Variants in CUX1 observed in about 807,000 individuals in gnomAD.
The protein encoded by CUX1 is cut like homeobox 1.
Under a neutral mutation model 158.8 loss-of-function variants are expected in CUX1, and 31 were observed. The observed-to-expected ratio is 0.20, with a 90% confidence interval of 0.15 to 0.26. The LOEUF (loss-of-function observed/expected upper bound fraction) is 0.26. CUX1 is among the 10% of genes least tolerant of loss of function. The pLI is 1.00. For synonymous variants in CUX1, 879 were observed against 862.1 expected (o/e 1.02, Z -0.34); for missense variants, 1,589 against 2,014.6 (o/e 0.79, Z 4.04).
chr7:101,947,536 C>G (rs1808540542), intron 2 of CUX1, among the ~76,000 whole-genome samples: 1 of 152,168 alleles, frequency 6.6e-6, no homozygotes, highest in Non-Finnish European at 1.5e-5. Context: ...ACGGGGCATG[C>G]CAACGTATTA....
chr7:102,243,662 T>TAATAATAATA (rs1328770503), intron 23 of CUX1, among the ~76,000 whole-genome samples: 7 of 146,502 alleles, frequency 4.8e-5, no homozygotes, highest in African/African-American at 1.7e-4. Flanking sequence ...ATAATAATAA[T>TAATAATAATA]AATAATAATA....
At chr7:102,264,902 G>A (rs1288032473) in intron 14 of CUX1, 1 of 152,368 alleles carries the variant, frequency 6.6e-6, no homozygotes, top group Non-Finnish European at 1.5e-5. Flanking sequence ...TAGACACAAT[G>A]ACCTGGCCAA....
rs781879428 is a variant in CUX1 at position 102,201,416 on chromosome 7, C to T, written c.2119C>T (p.Arg707Cys). Reference protein sequence around the residue: ...SGSGNSDDAIRSILQQARREM... With the variant: ...SGSGNSDDAICSILQQARREM... ...CAGCGGGAACTCTGATGACGCCATCCGCTCCATCCTGCAGCAAGCCCGCCG... is the reference window on the plus strand; with the variant it reads ...CAGCGGGAACTCTGATGACGCCATCTGCTCCATCCTGCAGCAAGCCCGCCG... The change falls in exon 18 of 24, where the codon CGC becomes TGC. Residue 707 changes from arginine to cysteine, a missense_variant. Physicochemically the swap from Arg to Cys is radical, Grantham distance 180 (BLOSUM62 -3). Around this residue, in one of 8 missense-constraint regions of CUX1, gnomAD observed 337 missense variants for 409.3 expected, o/e 0.82. Transcript: ENST00000292535. The surrounding 1 kb of genome is among the most constrained non-coding windows in gnomAD (Gnocchi z 5.0). The T allele has an allele frequency of 3.9e-5, 63 of 1,613,936 alleles. No individual in the cohort carries two copies. Among genetic ancestry groups the T allele is most frequent in the Non-Finnish European group, 4.6e-5 (54 of 1,180,030 alleles).
At chr7:102,225,904 G>T (rs1399188297) in intron 20 of CUX1, among the ~76,000 whole-genome samples, 2 of 152,250 alleles carry the variant, frequency 1.3e-5, no homozygotes, top group African/African-American at 4.8e-5. Flanking sequence ...GTCTTACTCT[G>T]TGTCACCCTC....
At chr7:101,835,584 T>A (rs1408689870) in intron 1 of CUX1, among the ~76,000 whole-genome samples, 2 of 152,138 alleles carry the variant, frequency 1.3e-5, no homozygotes, top group African/African-American at 2.4e-5. Flanking sequence ...ATTTTTTTAT[T>A]TTTGTGGGTG....
chr7:102,145,010 C>T (rs576858579), intron 8 of CUX1, among the ~76,000 whole-genome samples: 2 of 147,410 alleles, frequency 1.4e-5, no homozygotes, highest in African/African-American at 5.0e-5. Flanking sequence ...ATCACCTGAA[C>T]GGAGAGGCGG....
At position 102,201,019 on chromosome 7, in the gene CUX1, T is replaced by C. The variant is rs1197719419; in HGVS notation, c.2063-341T>C. On this transcript the variant is annotated intron_variant, in intron 17 of 23. Transcript: ENST00000292535. This position sits in a 1 kb window ranked among gnomAD's most constrained non-coding sequence, Gnocchi z 5.0. ...TCCAGCCTGGACAACAGCGAGATCC[T>C]GTCGCTAAAAAAAAAAAAAAAAAAA... Among the ~76,000 whole-genome samples, 5 of 100,262 alleles carry C rather than the reference T, an allele frequency of 5.0e-5. No individual in the cohort carries two copies. Among genetic ancestry groups the C allele is most frequent in the Non-Finnish European group, 9.3e-5 (5 of 53,950 alleles). 65.8% of individuals were successfully genotyped at this position (100,262 alleles called of 152,430 possible).
At chr7:101,922,827 G>A (rs1182329542) in intron 2 of CUX1, among the ~76,000 whole-genome samples, 1 of 152,232 alleles carries the variant, frequency 6.6e-6, no homozygotes, top group Non-Finnish European at 1.5e-5. Context: ...CCACGGGCTG[G>A]CAGCAGGGGC....
intron 3 of CUX1, among the ~76,000 whole-genome samples, chr7:102,069,200 G>T (rs1825869470): frequency 6.6e-6 from 1 of 152,244 alleles, no homozygotes. Flanking sequence ...GCCCCCTCCT[G>T]TGCTCTTTCC....
At chr7:102,078,866 G>A (rs1827061420) in intron 4 of CUX1, among the ~76,000 whole-genome samples, 2 of 152,172 alleles carry the variant, frequency 1.3e-5, no homozygotes, top group Admixed American at 1.3e-4. Flanking sequence ...CCCTGGGAGA[G>A]GTTTCATTTT....
At chr7:102,203,592 G>A (rs984285026) in intron 18 of CUX1, among the ~76,000 whole-genome samples, 1 of 152,230 alleles carries the variant, frequency 6.6e-6, no homozygotes, top group African/African-American at 2.4e-5. Flanking sequence ...TCGTGCTCAT[G>A]CCTTAAATTT....
intron 2 of CUX1, among the ~76,000 whole-genome samples, chr7:101,943,722 C>T (rs921169943): frequency 7.3e-5 from 11 of 151,662 alleles, no homozygotes; most frequent in Non-Finnish European, 1.3e-4. Flanking sequence ...TGATGAGTCT[C>T]GTTGGCACCT....
chr7:102,110,799 CG>C (rs1221515693), intron 6 of CUX1, among the ~76,000 whole-genome samples: 4 of 152,062 alleles, frequency 2.6e-5, no homozygotes, highest in Non-Finnish European at 5.9e-5. Context: ...CATATGATGT[CG>C]TATTTCTGTA....
intron 2 of CUX1, among the ~76,000 whole-genome samples, chr7:101,925,620 C>A (rs1220002482): frequency 6.6e-6 from 1 of 151,970 alleles, no homozygotes; most frequent in Non-Finnish European, 1.5e-5. Flanking sequence ...AATTATACAT[C>A]AATAAAGCTG....
intron 11 of CUX1, among the ~76,000 whole-genome samples, chr7:102,180,235 C>G (rs1792880342): frequency 6.6e-6 from 1 of 151,368 alleles, no homozygotes; most frequent in Non-Finnish European, 1.5e-5. Context: ...GTTGGCCAGT[C>G]TAGTCTCAAA....
chr7:102,096,383 C>T (rs201452), intron 4 of CUX1, among the ~76,000 whole-genome samples: 92,023 of 152,036 alleles, frequency 0.61, 29,719 homozygotes, highest in African/African-American at 0.79. Flanking sequence ...CTTTCCTCTG[C>T]TTCACCTCTG....
chr7:102,000,041 A>G (rs973854333), intron 2 of CUX1, among the ~76,000 whole-genome samples: 1 of 152,064 alleles, frequency 6.6e-6, no homozygotes, highest in Admixed American at 6.6e-5. Context: ...ACATGGCGAA[A>G]CCCCGTCTCT....
intron 11 of CUX1, among the ~76,000 whole-genome samples, chr7:102,182,643 G>C (rs910254857): frequency 1.3e-5 from 2 of 152,216 alleles, no homozygotes; most frequent in African/African-American, 4.8e-5. Flanking sequence ...AATCTGACAA[G>C]TGCTTAAGCA....
exon 19 of CUX1, chr7:102,280,038 G>A: frequency 6.2e-7 from 1 of 1,604,354 alleles, no homozygotes; most frequent in South Asian, 1.1e-5. Context: ...TCTGTGCAGG[G>A]CAGCGGCAGT....
Sources: gnomAD v4.1 joint callset for allele counts (sites outside exome capture counted in the v4.1 genomes callset) on GRCh38, gnomAD v4.1.1 for gene constraint, gnomAD v4.1.1 regional missense constraint, Gnocchi (gnomAD v3.1) non-coding constraint, MANE v1.5 for transcripts, NCBI Gene and HGNC (gene_info 2026-07-23, HGNC 2026-07-21) for gene names.